Variants in GIGYF2 observed in about 807,000 individuals in gnomAD.
GIGYF2 encodes GRB10 interacting GYF protein 2, also known as GRB10-interacting GYF protein 2.
GIGYF2 carries 25 observed loss-of-function variants against 208.1 expected under a neutral mutation model. The observed-to-expected ratio is 0.12, with a 90% CI of 0.09 to 0.17. The LOEUF is 0.17. GIGYF2 is among the 10% of genes least tolerant of loss of function. GIGYF2 has a pLI of 1.00. For synonymous variants in GIGYF2, 534 were observed against 543.8 expected (o/e 0.98, Z 0.25); for missense variants, 1,302 against 1,579.4 (o/e 0.82, Z 2.98).
intron 27 of GIGYF2, among the ~76,000 whole-genome samples, chr2:232,847,909 C>T (rs905608496): frequency 9.2e-5 from 14 of 152,160 alleles, no homozygotes; most frequent in African/African-American, 3.4e-4. Context: ...TTCCAGTGTT[C>T]AGGATGCACT....
At chr2:232,774,980 A>AT (rs1350518498) in intron 8 of GIGYF2, among the ~76,000 whole-genome samples, 1 of 151,330 alleles carries the variant, frequency 6.6e-6, no homozygotes, top group Non-Finnish European at 1.5e-5. Context: ...TTACAATTGT[A>AT]TTTTTTTTCT....
chr2:232,812,387 G>A lies in GIGYF2; in HGVS notation c.2007-4G>A. 1 of 1,203,696 alleles carries A rather than the reference G, an allele frequency of 8.3e-7. No homozygotes were observed. The highest frequency in any genetic ancestry group is 1.2e-6 in the Non-Finnish European group (1 of 811,532). 74.6% of individuals were successfully genotyped at this position (1,203,696 alleles called of 1,614,324 possible). Reference sequence around the variant, plus strand: ...CAAGTTAATTTTTTATTTCCCTTTTGCAGAATATCTGATCAGAACATCATT... The same window carrying A: ...CAAGTTAATTTTTTATTTCCCTTTTACAGAATATCTGATCAGAACATCATT... On this transcript the variant is annotated splice_region_variant and splice_polypyrimidine_tract_variant and intron_variant, in intron 17 of 28. Coordinates refer to ENST00000373563, the MANE Select transcript of GIGYF2 (RefSeq NM_001103146.3).
At chr2:232,786,222 A>G (rs905078270) in intron 8 of GIGYF2, among the ~76,000 whole-genome samples, 1 of 152,102 alleles carries the variant, frequency 6.6e-6, no homozygotes, top group African/African-American at 2.4e-5. Flanking sequence ...TGCTAGAGTA[A>G]ATGAGGTTAT....
At chr2:232,745,741 C>T (rs1232043460) in intron 3 of GIGYF2, among the ~76,000 whole-genome samples, 2 of 151,984 alleles carry the variant, frequency 1.3e-5, no homozygotes, top group Non-Finnish European at 2.9e-5. Flanking sequence ...CTTAGGGAAC[C>T]AAGCATTGAT....
chr2:232,741,434 CTT>C (rs112967383), intron 3 of GIGYF2, among the ~76,000 whole-genome samples: 2 of 145,150 alleles, frequency 1.4e-5, no homozygotes, highest in Admixed American at 6.9e-5. Context: ...TCCTGGCTTC[CTT>C]TTTTTTTTTT....
At chr2:232,823,284 T>C (rs1701150871) in intron 21 of GIGYF2, among the ~76,000 whole-genome samples, 1 of 152,122 alleles carries the variant, frequency 6.6e-6, no homozygotes, top group Non-Finnish European at 1.5e-5. Context: ...AATTTGGTAC[T>C]GTTTTGTTAA....
intron 3 of GIGYF2, among the ~76,000 whole-genome samples, chr2:232,738,209 GC>G (rs929210875): frequency 6.6e-5 from 10 of 151,690 alleles, no homozygotes; most frequent in African/African-American, 2.4e-4. Flanking sequence ...GAGCCACTGC[GC>G]CCGGCCAAGG....
intron 2 of GIGYF2, among the ~76,000 whole-genome samples, chr2:232,726,760 C>T (rs2106282389): frequency 6.6e-6 from 1 of 152,232 alleles, no homozygotes; most frequent in South Asian, 2.1e-4. Context: ...CCGCTCCATA[C>T]CTCTAGTTCT....
At chr2:232,798,400 G>T (rs1486420250) in intron 14 of GIGYF2, among the ~76,000 whole-genome samples, 2 of 152,212 alleles carry the variant, frequency 1.3e-5, no homozygotes, top group Admixed American at 1.3e-4. Context: ...GGGAACATAA[G>T]TGTTCATTCC....
intron 2 of GIGYF2, among the ~76,000 whole-genome samples, chr2:232,715,474 C>G (rs2106263446): frequency 6.6e-6 from 1 of 151,448 alleles, no homozygotes; most frequent in Non-Finnish European, 1.5e-5. Flanking sequence ...GAAGACATGC[C>G]ATAGAAAGAA....
intron 21 of GIGYF2, among the ~76,000 whole-genome samples, chr2:232,821,228 A>G (rs959700221): frequency 1.3e-5 from 2 of 152,036 alleles, no homozygotes; most frequent in African/African-American, 4.8e-5. Flanking sequence ...TTTAAGACAA[A>G]GTCTCGCTCT....
At chr2:232,843,562 CAAA>C (rs577833427) in intron 23 of GIGYF2, among the ~76,000 whole-genome samples, 11 of 91,526 alleles carry the variant, frequency 1.2e-4, no homozygotes, top group Admixed American at 2.4e-4. Context: ...GACCCTGTCT[CAAA>C]AAAAAAAAAA....
At chr2:232,725,099 C>T (rs371651597) in intron 2 of GIGYF2, among the ~76,000 whole-genome samples, 5 of 152,064 alleles carry the variant, frequency 3.3e-5, no homozygotes, top group African/African-American at 1.2e-4. Flanking sequence ...CCTTTCATGT[C>T]GGTGAAGTTT....
chr2:232,714,427 AAATATT>A (rs1190313867), intron 2 of GIGYF2, among the ~76,000 whole-genome samples: 23 of 152,284 alleles, frequency 1.5e-4, no homozygotes, highest in Admixed American at 2.6e-4. Context: ...TTAACATAAA[AAATATT>A]AAAGCTTAGT....
intron 14 of GIGYF2, among the ~76,000 whole-genome samples, chr2:232,804,595 G>A (rs567950456): frequency 2.0e-5 from 3 of 151,996 alleles, no homozygotes; most frequent in African/African-American, 4.8e-5. Context: ...AGGTCCAAGC[G>A]ATTCTCCTGC....
In GIGYF2 at chr2:232,778,024, G is replaced by T. The variant is rs567669387; in HGVS notation, c.533-9126G>T. ...TGCAGTGGTGTGATCACAGCTCACT[G>T]CAGCCTCGACCTCCCAGGCTCAAGT... On this transcript the variant is annotated intron_variant, in intron 8 of 28. Transcript: ENST00000373563. Among the ~76,000 whole-genome samples the T allele has an allele frequency of 3.2e-4, 49 of 152,104 alleles. 1 individual carries two copies. The highest frequency in any genetic ancestry group is 1.0e-3 in the African/African-American group (43 of 41,496).
intron 16 of GIGYF2, chr2:232,810,412 T>G (rs1700700637): frequency 6.5e-6 from 1 of 153,898 alleles, no homozygotes; most frequent in African/African-American, 2.4e-5. Flanking sequence ...AAAATATATA[T>G]GTATATAAGC....
chr2:232,789,529 G>C (rs557142173), intron 9 of GIGYF2, among the ~76,000 whole-genome samples: 30 of 152,242 alleles, frequency 2.0e-4, no homozygotes. Context: ...ATAGTGTTTT[G>C]TTGTTTTTAT....
chr2:232,813,512 C>T (rs1333589922), intron 18 of GIGYF2, among the ~76,000 whole-genome samples: 2 of 152,088 alleles, frequency 1.3e-5, no homozygotes, highest in Admixed American at 6.5e-5. Flanking sequence ...CAGCCGAGCA[C>T]CTCTGTTTCT....
Sources: gnomAD v4.1 joint callset for allele counts (sites outside exome capture counted in the v4.1 genomes callset) on GRCh38, gnomAD v4.1.1 for gene constraint, MANE v1.5 for transcripts, NCBI Gene and HGNC (gene_info 2026-07-23, HGNC 2026-07-21) for gene names.